RBFOX1: variants seen among roughly 807,000 people sequenced by gnomAD.
RBFOX1 encodes RNA binding protein fox-1 homolog 1.
Under a neutral mutation model 57.7 loss-of-function variants are expected in RBFOX1, and 8 were observed. That is an observed-to-expected ratio of 0.14 (90% confidence interval 0.08 to 0.25). RBFOX1 has a LOEUF of 0.25. Ranked by LOEUF, RBFOX1 falls within the 10% of genes least tolerant of loss-of-function variation. RBFOX1 has a pLI of 1.00. For missense variants in RBFOX1, 611 were observed against 548.5 expected (o/e 1.11, Z -1.14); for synonymous variants, 326 against 222.4 (o/e 1.47, Z -4.15).
chr16:6,779,927 TTATATATATTTA>T (rs1567210299), intron 3 of RBFOX1, among the ~76,000 whole-genome samples: 4 of 8,544 alleles, frequency 4.7e-4, no homozygotes, highest in African/African-American at 1.2e-3. Context: ...TTATATATAT[TTATATATATTTA>T]TATATATTTA....
Position 5,691,948 on chromosome 16 carries a change from A to T in RBFOX1, c.318+92987A>T, listed in dbSNP as rs2050693049. Among the ~76,000 whole-genome samples, 7 of 152,078 alleles carry T rather than the reference A, an allele frequency of 4.6e-5. No individual in the cohort carries two copies. The South Asian group carries it at 1.5e-3, about 32-fold the overall frequency. On this transcript the variant is annotated intron_variant, in intron 3 of 19. Coordinates refer to the RBFOX1 transcript ENST00000641259. ...CACTTTGTGGTCATCTTGCTGTGAG[A>T]CATGTAACACGAAGGCTGAGTGTCA...
At chr16:7,483,270 G>A (rs1369028759) in intron 4 of RBFOX1, among the ~76,000 whole-genome samples, 1 of 152,188 alleles carries the variant, frequency 6.6e-6, no homozygotes, top group African/African-American at 2.4e-5. Flanking sequence ...GTAAATCGTT[G>A]CAATACTTGG....
rs1033652965 is a variant in RBFOX1 at position 6,910,889 on chromosome 16, T to C, written c.-15-141168T>C. Among the ~76,000 whole-genome samples, 7 of 152,238 alleles carry C rather than the reference T, an allele frequency of 4.6e-5. No individual in the cohort carries two copies. In the East Asian group the frequency reaches 1.4e-3, roughly 29 times the overall value. On this transcript the variant is annotated intron_variant, in intron 3 of 15. Transcript: ENST00000550418. ...CTGGTCTTTATACCTTTGCCTTCCTTGCTAATCTCTGTTAGTAAAGAGGAA... is the reference window on the plus strand; with the variant it reads ...CTGGTCTTTATACCTTTGCCTTCCTCGCTAATCTCTGTTAGTAAAGAGGAA...
chr16:5,716,593 A>T (rs1234148454), intron 3 of RBFOX1, among the ~76,000 whole-genome samples: 1 of 152,234 alleles, frequency 6.6e-6, no homozygotes, highest in African/African-American at 2.4e-5. Context: ...AGGAACGCTT[A>T]TATGCTGTTG....
intron 1 of RBFOX1, among the ~76,000 whole-genome samples, chr16:6,292,074 C>G (rs1407799092): frequency 6.6e-6 from 1 of 152,030 alleles, no homozygotes; most frequent in Non-Finnish European, 1.5e-5. Context: ...TGCACTTTGA[C>G]TTTAAACAAG....
In RBFOX1 at chr16:6,815,459, T is replaced by G. The variant is rs2089862440; in HGVS notation, c.-16+160809T>G. On this transcript the variant is annotated intron_variant, in intron 3 of 15. Transcript: ENST00000550418. ...ACTCTGGTTCAAACACCTCTGACAT[T>G]CGCAGTGGAATCCATTAAAAGATGT... Among the ~76,000 whole-genome samples, 4 of 152,252 alleles carry G rather than the reference T, an allele frequency of 2.6e-5. No homozygotes were observed. The South Asian group carries it at 8.3e-4, about 32-fold the overall frequency.
At position 5,271,859 on chromosome 16, in the gene RBFOX1, C is replaced by T. The variant is rs568724554; in HGVS notation, c.219+31754C>T. Among the ~76,000 whole-genome samples, 19 of 152,316 alleles carry T rather than the reference C, an allele frequency of 1.2e-4. No homozygotes were observed. In the East Asian group the frequency reaches 1.7e-3, roughly 14 times the overall value. On this transcript the variant is annotated intron_variant, in intron 1 of 2. Transcript: ENST00000585867. ...GTAAAATCATGCAGTATTTGTCTTT[C>T]TGTGCCTGGCTTATTTCACTTAACA...
chr16:7,357,900 T>G (rs1436325852), intron 4 of RBFOX1, among the ~76,000 whole-genome samples: 1 of 152,218 alleles, frequency 6.6e-6, no homozygotes, highest in Non-Finnish European at 1.5e-5. Flanking sequence ...CTCTTTAATT[T>G]TTTTCCTCTC....
At chr16:6,883,033 C>G (rs904809362) in intron 3 of RBFOX1, among the ~76,000 whole-genome samples, 2 of 152,138 alleles carry the variant, frequency 1.3e-5, no homozygotes, top group South Asian at 2.1e-4. Context: ...CTAGATAACC[C>G]ATATGTCTCC....
intron 10 of RBFOX1, among the ~76,000 whole-genome samples, chr16:7,618,470 G>A (rs373299373): frequency 6.6e-6 from 1 of 151,982 alleles, no homozygotes; most frequent in Non-Finnish European, 1.5e-5. Flanking sequence ...AACTTATTTC[G>A]TGGTTTTCTC....
intron 2 of RBFOX1, among the ~76,000 whole-genome samples, chr16:5,562,080 G>C (rs2045909213): frequency 6.6e-6 from 1 of 152,068 alleles, no homozygotes; most frequent in Admixed American, 6.5e-5. Context: ...TGAAATCTCG[G>C]CACTCATTTT....
intron 2 of RBFOX1, among the ~76,000 whole-genome samples, chr16:6,361,628 T>TTAAAA (rs1371587081): frequency 3.1e-5 from 4 of 127,952 alleles, no homozygotes; most frequent in East Asian, 4.5e-4. Context: ...ACTCTGTCTC[T>TTAAAA]AAAAAAAAAA....
intron 3 of RBFOX1, among the ~76,000 whole-genome samples, chr16:5,669,829 G>A (rs145395712): frequency 1.3e-5 from 2 of 152,300 alleles, no homozygotes; most frequent in East Asian, 3.9e-4. Context: ...TTGCCATAGG[G>A]CCCAGCAATT....
At chr16:6,780,957 G>C (rs1399739750) in intron 3 of RBFOX1, among the ~76,000 whole-genome samples, 3 of 152,052 alleles carry the variant, frequency 2.0e-5, no homozygotes, top group East Asian at 1.9e-4. Context: ...CTTATCACTT[G>C]TTTGTGGTTG....
At chr16:7,061,210 G>C (rs768172197) in intron 4 of RBFOX1, among the ~76,000 whole-genome samples, 4 of 152,042 alleles carry the variant, frequency 2.6e-5, no homozygotes, top group Non-Finnish European at 2.9e-5. Context: ...TGATCCCCAG[G>C]GGCAGCTTCT....
intron 2 of RBFOX1, among the ~76,000 whole-genome samples, chr16:6,476,760 A>G (rs75181948): frequency 0.053 from 8,073 of 152,262 alleles, 754 homozygotes; most frequent in African/African-American, 0.18. Flanking sequence ...TCCTTTCATG[A>G]AATACTTCTC....
chr16:7,382,099 A>C (rs144568297), intron 4 of RBFOX1, among the ~76,000 whole-genome samples: 1 of 152,204 alleles, frequency 6.6e-6, no homozygotes, highest in African/African-American at 2.4e-5. Flanking sequence ...ATAAAATTCA[A>C]CCTATTCTGA....
In RBFOX1 at chr16:5,677,264, A is replaced by G. The variant is rs1596708204; in HGVS notation, c.318+78303A>G. 3.3e-5 allele frequency among the ~76,000 whole-genome samples: 5 copies of G among 152,356 alleles called. 1 individual carries two copies. The South Asian group carries it at 1.0e-3, about 32-fold the overall frequency. Reference sequence around the variant, plus strand: ...ATCACTAGAGAATAGGTAGTTCTGCAAAGAATATGTCCTCCTATGAGAAGG... The same window carrying G: ...ATCACTAGAGAATAGGTAGTTCTGCGAAGAATATGTCCTCCTATGAGAAGG... On this transcript the variant is annotated intron_variant, in intron 3 of 19. Coordinates refer to the RBFOX1 transcript ENST00000641259.
chr16:7,011,923 G>C (rs1229457807), intron 3 of RBFOX1, among the ~76,000 whole-genome samples: 1 of 152,178 alleles, frequency 6.6e-6, no homozygotes, highest in African/African-American at 2.4e-5. Flanking sequence ...CCCATCTTCT[G>C]CACATTTCTC....
Sources: gnomAD v4.1 joint callset for allele counts (sites outside exome capture counted in the v4.1 genomes callset) on GRCh38, gnomAD v4.1.1 for gene constraint, MANE v1.5 for transcripts, NCBI Gene and HGNC (gene_info 2026-07-23, HGNC 2026-07-21) for gene names.